DIP2B: variants seen among roughly 807,000 people sequenced by gnomAD.
DIP2B encodes disco-interacting protein 2 homolog B.
Under a neutral mutation model 198.0 loss-of-function variants are expected in DIP2B, and 76 were observed. The ratio of observed to expected loss-of-function variants is 0.38; its 90% CI spans 0.32 to 0.46. DIP2B has a LOEUF of 0.46. DIP2B is among the 20% of genes least tolerant of loss of function. The pLI, the probability that DIP2B is intolerant of heterozygous loss-of-function variation, is 0.99. For missense variants in DIP2B, 1,559 were observed against 1,978.4 expected, an observed-to-expected ratio of 0.79 and a Z score of 4.02; for synonymous variants, 701 against 739.1, an observed-to-expected ratio of 0.95 and a Z score of 0.84.
intron 19 of DIP2B, among the ~76,000 whole-genome samples, chr12:50,702,587 G>A (rs1410885412): frequency 1.3e-5 from 2 of 151,824 alleles, no homozygotes; most frequent in Admixed American, 1.3e-4. Flanking sequence ...TCCGGGTGCT[G>A]TGGTTCACAC....
At chr12:50,659,531 T>C (rs903228812) in intron 3 of DIP2B, among the ~76,000 whole-genome samples, 5 of 152,046 alleles carry the variant, frequency 3.3e-5, no homozygotes, top group Admixed American at 2.6e-4. Context: ...TTCAATTTTG[T>C]GGAACTATAG....
At chr12:50,518,640 C>A (rs1010745910) in intron 1 of DIP2B, among the ~76,000 whole-genome samples, 1 of 152,224 alleles carries the variant, frequency 6.6e-6, no homozygotes, top group Admixed American at 6.5e-5. Context: ...TCCACACAGC[C>A]ATTTTGACCT....
chr12:50,521,489 CTTTT>C (rs35971707), intron 1 of DIP2B, among the ~76,000 whole-genome samples: 16 of 98,242 alleles, frequency 1.6e-4, no homozygotes, highest in Non-Finnish European at 2.6e-4. Context: ...AGGTTTCTTT[CTTTT>C]TTTTTTTTTT....
At chr12:50,674,190 TG>T (rs2139527162) in intron 5 of DIP2B, among the ~76,000 whole-genome samples, 1 of 152,306 alleles carries the variant, frequency 6.6e-6, no homozygotes, top group East Asian at 1.9e-4. Flanking sequence ...AGCCTTTCTG[TG>T]TAGAAAATGA....
intron 1 of DIP2B, among the ~76,000 whole-genome samples, chr12:50,624,602 G>A (rs986383772): frequency 1.2e-4 from 18 of 152,172 alleles, no homozygotes; most frequent in African/African-American, 4.1e-4. Context: ...GAAGTGCTGG[G>A]ATTACAGGCA....
chr12:50,667,099 G>A (rs1357386530), intron 4 of DIP2B, among the ~76,000 whole-genome samples: 1 of 152,120 alleles, frequency 6.6e-6, no homozygotes, highest in East Asian at 1.9e-4. Context: ...AAACTCCTGA[G>A]CTCAAGCAGT....
chr12:50,683,543 A>G (rs1939080954), intron 10 of DIP2B, among the ~76,000 whole-genome samples: 1 of 152,096 alleles, frequency 6.6e-6, no homozygotes, highest in South Asian at 2.1e-4. Context: ...GCACTTTGGG[A>G]AGCTGAGGCG....
At chr12:50,641,135 TC>T (rs1252443361) in intron 3 of DIP2B, among the ~76,000 whole-genome samples, 1 of 152,154 alleles carries the variant, frequency 6.6e-6, no homozygotes, top group Non-Finnish European at 1.5e-5. Context: ...GGCGGGCAGA[TC>T]ACTTGAGGTC....
chr12:50,573,043 C>A (rs1389137497), intron 1 of DIP2B, among the ~76,000 whole-genome samples: 1 of 152,206 alleles, frequency 6.6e-6, no homozygotes, highest in African/African-American at 2.4e-5. Flanking sequence ...CACGTGAGCT[C>A]TAAGAAATAA....
At chr12:50,661,423 T>G (rs1938645137) in intron 4 of DIP2B, among the ~76,000 whole-genome samples, 1 of 152,206 alleles carries the variant, frequency 6.6e-6, no homozygotes, top group Non-Finnish European at 1.5e-5. Flanking sequence ...AGTTTTCTTC[T>G]CGGTTTTGGC....
At chr12:50,614,629 A>G (rs557403782) in intron 1 of DIP2B, among the ~76,000 whole-genome samples, 1 of 152,324 alleles carries the variant, frequency 6.6e-6, no homozygotes, top group African/African-American at 2.4e-5. Flanking sequence ...CCTACAGATG[A>G]AGAGACTGAG....
intron 1 of DIP2B, among the ~76,000 whole-genome samples, chr12:50,551,064 T>G: frequency 6.6e-6 from 1 of 151,916 alleles, no homozygotes; most frequent in Admixed American, 6.6e-5. Context: ...CACTCCAGCC[T>G]GGGCAATCAG....
intron 12 of DIP2B, among the ~76,000 whole-genome samples, chr12:50,688,779 C>T (rs796912072): frequency 4.6e-5 from 7 of 152,334 alleles, no homozygotes; most frequent in African/African-American, 1.7e-4. Flanking sequence ...GTCCTGGCTT[C>T]TTGGACTCCT....
chr12:50,693,666 C>T (rs1420558461), intron 14 of DIP2B, among the ~76,000 whole-genome samples: 1 of 152,128 alleles, frequency 6.6e-6, no homozygotes, highest in Non-Finnish European at 1.5e-5. Context: ...AAACCTTTTC[C>T]ATTTTCTTCT....
chr12:50,552,238 T>C (rs921576925), intron 1 of DIP2B, among the ~76,000 whole-genome samples: 5 of 151,960 alleles, frequency 3.3e-5, no homozygotes, highest in African/African-American at 1.2e-4. Context: ...TTTAATTGGG[T>C]TTTTTGTTGT....
intron 1 of DIP2B, among the ~76,000 whole-genome samples, chr12:50,553,626 ACTTTTGGTTCATTTGTGTTTTTC>A (rs1234067390): frequency 1.3e-5 from 2 of 152,004 alleles, no homozygotes; most frequent in Non-Finnish European, 2.9e-5. Flanking sequence ...CTAAAAGAGG[ACTTTTGGTTCATTTGTGTTTTTC>A]CTTTATTCTT....
chr12:50,512,353 C>T (rs973718617), intron 1 of DIP2B, among the ~76,000 whole-genome samples: 5 of 151,696 alleles, frequency 3.3e-5, no homozygotes, highest in Non-Finnish European at 7.4e-5. Context: ...GTGATCTGCC[C>T]GCATCGGCCT....
In DIP2B at chr12:50,671,375, A is replaced by T. The variant is rs1414112268; in HGVS notation, c.617A>T (p.Asp206Val). 3.1e-6 allele frequency: 5 copies of T among 1,614,154 alleles called. No individual in the cohort carries two copies. In the South Asian group the frequency reaches 4.4e-5, roughly 14 times the overall value. ...AAAGGAACCAGTGGGTCTCTAGCTG[A>T]TGTATTTGCCAATACTCGAATAGGT... ...EVKGTSGSLA[D>V]VFANTRIENF... The change falls in exon 5 of 38, where the codon GAT (aspartate) becomes GTT (valine). Residue 206 changes from aspartate to valine, a missense_variant. Coordinates refer to ENST00000301180, the MANE Select transcript of DIP2B (RefSeq NM_173602.3).
chr12:50,540,103 T>C (rs953318753), intron 1 of DIP2B, among the ~76,000 whole-genome samples: 2 of 117,738 alleles, frequency 1.7e-5, no homozygotes, highest in African/African-American at 6.3e-5. Flanking sequence ...ATATCATAGC[T>C]ATGAACATTT....
Sources: gnomAD v4.1 joint callset for allele counts (sites outside exome capture counted in the v4.1 genomes callset) on GRCh38, gnomAD v4.1.1 for gene constraint, MANE v1.5 for transcripts, NCBI Gene and HGNC (gene_info 2026-07-23, HGNC 2026-07-21) for gene names.